UNC79: variants seen among roughly 807,000 people sequenced by gnomAD.
UNC79 encodes protein unc-79 homolog.
UNC79 carries 37 observed loss-of-function variants against 283.1 expected under a neutral mutation model. That is an observed-to-expected ratio of 0.13 (90% CI 0.10 to 0.17). The LOEUF (loss-of-function observed/expected upper bound fraction) is 0.17, where lower values mean the gene tolerates loss of function less well. Among genes scored for constraint, UNC79 ranks in the 10% least tolerant of loss-of-function variants. The pLI, the probability that UNC79 is intolerant of heterozygous loss-of-function variation, is 1.00. For synonymous variants in UNC79, 1,107 were observed against 1,200.2 expected (o/e 0.92, Z 1.61); for missense variants, 2,272 against 3,211.1 (o/e 0.71, Z 7.07).
intron 26 of UNC79, among the ~76,000 whole-genome samples, chr14:93,611,655 T>C (rs1192138978): frequency 6.6e-6 from 1 of 152,200 alleles, no homozygotes; most frequent in Non-Finnish European, 1.5e-5. Context: ...CCGAACTCTT[T>C]GTTGCATCCT....
intron 23 of UNC79, among the ~76,000 whole-genome samples, chr14:93,595,692 GT>G: frequency 6.6e-6 from 1 of 152,140 alleles, no homozygotes; most frequent in East Asian, 1.9e-4. Flanking sequence ...CACCTTCTAG[GT>G]CCCCCCTGTG....
At chr14:93,351,772 G>T (rs2053983937) in intron 1 of UNC79, among the ~76,000 whole-genome samples, 2 of 152,142 alleles carry the variant, frequency 1.3e-5, no homozygotes, top group South Asian at 4.1e-4. Flanking sequence ...TGCAGGATAG[G>T]CTGGCAGGCA....
intron 35 of UNC79, among the ~76,000 whole-genome samples, chr14:93,648,280 A>G (rs2069851334): frequency 6.6e-6 from 1 of 152,206 alleles, no homozygotes; most frequent in Non-Finnish European, 1.5e-5. Flanking sequence ...TACACAATAA[A>G]ATAAATCTTT....
At chr14:93,691,587 A>G in intron 45 of UNC79, 162 bp from the exon 49 acceptor site, 1 of 701,778 alleles carries the variant, frequency 1.4e-6, no homozygotes, top group Non-Finnish European at 2.5e-6. Context: ...CACAGCAGAT[A>G]GTTTCAAGGT....
intron 7 of UNC79, among the ~76,000 whole-genome samples, chr14:93,512,143 AC>A (rs2059855305): frequency 6.6e-6 from 1 of 152,068 alleles, no homozygotes; most frequent in South Asian, 2.1e-4. Context: ...GGCTCTAGTT[AC>A]CTTTTTGTTT....
At chr14:93,451,053 T>A (rs2056623768) in intron 1 of UNC79, among the ~76,000 whole-genome samples, 1 of 152,154 alleles carries the variant, frequency 6.6e-6, no homozygotes, top group Non-Finnish European at 1.5e-5. Context: ...TATCTTGTTT[T>A]TCTAACAGCA....
chr14:93,639,327 T>C (rs908816007), intron 32 of UNC79, among the ~76,000 whole-genome samples: 5 of 152,230 alleles, frequency 3.3e-5, no homozygotes, highest in Middle Eastern at 3.2e-3. Context: ...GTTCAAGAAA[T>C]GTGGAGTATT....
intron 1 of UNC79, among the ~76,000 whole-genome samples, chr14:93,462,121 A>G (rs1190161679): frequency 1.3e-5 from 2 of 152,226 alleles, no homozygotes; most frequent in Non-Finnish European, 2.9e-5. Context: ...AGCCTGGCCA[A>G]CATGGTGAAA....
chr14:93,627,281 C>T (rs1025574763), intron 30 of UNC79, among the ~76,000 whole-genome samples: 1 of 152,136 alleles, frequency 6.6e-6, no homozygotes, highest in Admixed American at 6.5e-5. Context: ...TGTCCTTGAT[C>T]CTAGTCTCTT....
At chr14:93,670,256 A>G (rs2072696473) in intron 40 of UNC79, among the ~76,000 whole-genome samples, 1 of 152,206 alleles carries the variant, frequency 6.6e-6, no homozygotes, top group Admixed American at 6.5e-5. Context: ...CTATTCTGAC[A>G]CTAATTACCT....
intron 33 of UNC79, among the ~76,000 whole-genome samples, chr14:93,642,374 G>A (rs914856263): frequency 1.4e-5 from 2 of 143,862 alleles, no homozygotes; most frequent in Non-Finnish European, 3.0e-5. Flanking sequence ...GCAGTGAGCC[G>A]AGATTGTGCC....
intron 1 of UNC79, among the ~76,000 whole-genome samples, chr14:93,366,408 T>C (rs998206446): frequency 1.3e-5 from 2 of 152,160 alleles, no homozygotes; most frequent in Admixed American, 6.5e-5. Context: ...CTGGAGATGA[T>C]GTCCAGCCAG....
In UNC79 at chr14:93,347,220, T is replaced by G. The variant is rs796149716; in HGVS notation, c.-351+13697T>G. On this transcript the variant is annotated intron_variant, in intron 1 of 49. Coordinates refer to the UNC79 transcript ENST00000256339. ...GCACTGGAGCTTGCGTTACTTGGCC[T>G]CACCTCACCTGTGCTGTCCACGCCT... 5.9e-6 allele frequency: 9 copies of G among 1,530,180 alleles called. 1 individual carries two copies. The African/African-American group carries it at 1.3e-4, about 21-fold the overall frequency. 94.8% of individuals were successfully genotyped at this position (1,530,180 alleles called of 1,614,324 possible).
chr14:93,528,727 A>G, intron 9 of UNC79, 81 bp downstream of exon 9: 1 of 1,334,472 alleles, frequency 7.5e-7, no homozygotes, highest in South Asian at 1.2e-5. Context: ...TAAATTAGTT[A>G]CATTGCTAAA....
chr14:93,655,894 A>T (rs966490568), intron 38 of UNC79, among the ~76,000 whole-genome samples: 1 of 152,158 alleles, frequency 6.6e-6, no homozygotes, highest in Non-Finnish European at 1.5e-5. Context: ...ATACACACAC[A>T]ATTACCTACC....
chr14:93,566,197 G>A (rs2062868296), intron 14 of UNC79, among the ~76,000 whole-genome samples: 1 of 152,130 alleles, frequency 6.6e-6, no homozygotes, highest in African/African-American at 2.4e-5. Flanking sequence ...CCCATGTCCT[G>A]TGGACCTGCA....
At chr14:93,383,339 G>C (rs1293204806) in intron 1 of UNC79, among the ~76,000 whole-genome samples, 1 of 152,144 alleles carries the variant, frequency 6.6e-6, no homozygotes, top group East Asian at 1.9e-4. Flanking sequence ...GGGAAGACAA[G>C]TAGAAAAAAT....
chr14:93,675,013 T>C (rs1283407072), intron 41 of UNC79, among the ~76,000 whole-genome samples: 1 of 152,208 alleles, frequency 6.6e-6, no homozygotes, highest in African/African-American at 2.4e-5. Context: ...AACCCAATCT[T>C]CTGGCCTGTG....
chr14:93,469,868 C>T lies in UNC79; in HGVS notation c.143+2077C>T, dbSNP rs780520400. 9.2e-5 allele frequency among the ~76,000 whole-genome samples: 14 copies of T among 151,868 alleles called. No homozygotes were observed. In the South Asian group the frequency reaches 1.0e-3, roughly 11 times the overall value. On this transcript the variant is annotated intron_variant, in intron 2 of 48. Transcript: ENST00000555664. The stretch of plus-strand genomic sequence containing the variant: ...CTGTACTCCAGCCTGGGTGACAGAG[C>T]GACACCCTATCTCTAAGATAAATAA...
Sources: gnomAD v4.1 joint callset for allele counts (sites outside exome capture counted in the v4.1 genomes callset) on GRCh38, gnomAD v4.1.1 for gene constraint, MANE v1.5 for transcripts, NCBI Gene and HGNC (gene_info 2026-07-23, HGNC 2026-07-21) for gene names.